The following CHP1 variants were observed in gnomAD, a reference collection of about 807,000 sequenced individuals.
CHP1 encodes the protein calcineurin like EF-hand protein 1, also known as calcineurin B homologous protein 1.
In CHP1, 11 loss-of-function variants were observed where a neutral mutation model predicts 27.4. The observed-to-expected ratio is 0.40, with a 90% confidence interval of 0.25 to 0.67. The LOEUF (loss-of-function observed/expected upper bound fraction) is 0.67. Ranked by LOEUF, CHP1 falls within the 30% of genes least tolerant of loss-of-function variation. CHP1 has a pLI of 0.38. For missense variants in CHP1, 169 were observed against 251.3 expected, an observed-to-expected ratio of 0.67 and a Z score of 2.22; for synonymous variants, 89 against 87.4, an observed-to-expected ratio of 1.02 and a Z score of -0.10.
intron 2 of CHP1, 66 bp downstream of exon 2, chr15:41,243,805 T>G: frequency 7.2e-7 from 1 of 1,389,246 alleles, no homozygotes; most frequent in Non-Finnish European, 1.0e-6. Flanking sequence ...TCTGAATAGC[T>G]GCCTTTATCC....
At chr15:41,251,583 C>G (rs900129017) in intron 2 of CHP1, among the ~76,000 whole-genome samples, 8 of 152,102 alleles carry the variant, frequency 5.3e-5, no homozygotes, top group African/African-American at 1.9e-4. Flanking sequence ...CGCCTCCGGT[C>G]AGATCAGTGG....
At chr15:41,270,959 C>T (rs188915564) in intron 5 of CHP1, among the ~76,000 whole-genome samples, 1 of 152,100 alleles carries the variant, frequency 6.6e-6, no homozygotes, top group African/African-American at 2.4e-5. Flanking sequence ...AGTAAAAATA[C>T]AAAAATTAGC....
chr15:41,231,359 C>T lies in CHP1; in HGVS notation c.-24C>T, dbSNP rs1318510686. On this transcript the variant is annotated 5_prime_UTR_variant, in exon 1 of 7. Coordinates refer to ENST00000334660, the MANE Select transcript of CHP1 (RefSeq NM_007236.5). ...CGCCGTCTCTTCTGGCGCCGCTGCTCCCGGAGGAGCTCCCGGCACGGCGAT... is the reference window on the plus strand; with the variant it reads ...CGCCGTCTCTTCTGGCGCCGCTGCTTCCGGAGGAGCTCCCGGCACGGCGAT... 2 of 1,586,440 alleles carry T rather than the reference C, an allele frequency of 1.3e-6. No homozygotes were observed. Among genetic ancestry groups the T allele is most frequent in the Non-Finnish European group, 1.7e-6 (2 of 1,167,556 alleles).
In CHP1 at chr15:41,243,550, GATAAGAGTTTC is replaced by G. The variant is rs1170779354; in HGVS notation, c.68-116_68-106del. On this transcript the variant is annotated intron_variant, in intron 1 of 6. Coordinates refer to ENST00000334660, the MANE Select transcript of CHP1 (RefSeq NM_007236.5). ...AAACTTTCTGCTTTAACATTCTAGAGATAAGAGTTTCGACATCCCAGTCCTACTGAATTTTG... is the reference window on the plus strand; with the variant it reads ...AAACTTTCTGCTTTAACATTCTAGAGGACATCCCAGTCCTACTGAATTTTG... The G allele has an allele frequency of 1.0e-5, 7 of 679,032 alleles. No individual in the cohort carries two copies. In the African/African-American group the frequency reaches 1.1e-4, roughly 10 times the overall value. The allele number at this position is 679,032 out of a possible 1,614,324, so 42.1% of individuals were successfully genotyped here.
intron 2 of CHP1, among the ~76,000 whole-genome samples, chr15:41,248,336 TAGCAAAAA>T (rs899296038): frequency 1.1e-4 from 16 of 152,190 alleles, no homozygotes; most frequent in Admixed American, 6.5e-4. Context: ...TTTTTACTTT[TAGCAAAAA>T]AGCAAAAAAG....
At chr15:41,257,012 A>G in intron 3 of CHP1, 22 bp downstream of exon 3, 6 of 1,584,874 alleles carry the variant, frequency 3.8e-6, no homozygotes, top group Non-Finnish European at 5.2e-6. Context: ...CAGTTGTTGG[A>G]CTTCCTTCCT....
chr15:41,252,999 C>T (rs1045596486), intron 2 of CHP1, among the ~76,000 whole-genome samples: 3 of 126,906 alleles, frequency 2.4e-5, no homozygotes, highest in African/African-American at 6.0e-5. Context: ...AGTGCAGTGG[C>T]GCAATCTTGG....
Position 41,232,472 on chromosome 15 carries a change from A to G in CHP1, c.67+1023A>G, listed in dbSNP as rs538720132. On this transcript the variant is annotated intron_variant, in intron 1 of 6. Coordinates refer to ENST00000334660, the MANE Select transcript of CHP1 (RefSeq NM_007236.5). ...GTGATCCACCCACCTCGGCCTCCCA[A>G]AGTGCTGGGATTACAGGTGTGAGCC... Among the ~76,000 whole-genome samples the G allele has an allele frequency of 2.6e-5, 4 of 151,870 alleles. 1 individual carries two copies. The highest frequency in any genetic ancestry group is 6.9e-3 in the Middle Eastern group (2 of 288).
At chr15:41,270,164 G>A (rs2047481339) in intron 4 of CHP1, among the ~76,000 whole-genome samples, 1 of 152,102 alleles carries the variant, frequency 6.6e-6, no homozygotes, top group Non-Finnish European at 1.5e-5. Context: ...AGCTCTCATG[G>A]TGCCTGTGTG....
intron 2 of CHP1, 31 bp downstream of exon 2, chr15:41,243,770 A>G: frequency 6.3e-7 from 1 of 1,590,046 alleles, no homozygotes; most frequent in Non-Finnish European, 8.6e-7. Flanking sequence ...TTTTCCTCAC[A>G]GAAACCAGAA....
intron 4 of CHP1, among the ~76,000 whole-genome samples, chr15:41,265,855 A>T (rs1037621635): frequency 6.6e-6 from 1 of 152,202 alleles, no homozygotes; most frequent in African/African-American, 2.4e-5. Flanking sequence ...AGAGAATTTT[A>T]ATCACGATCA....
chr15:41,273,017 A>G (rs2047499045), intron 5 of CHP1, among the ~76,000 whole-genome samples: 1 of 152,034 alleles, frequency 6.6e-6, no homozygotes. Context: ...AGATCACGCT[A>G]CTGCACTCCA....
intron 3 of CHP1, 94 bp downstream of exon 3, chr15:41,257,084 A>C: frequency 3.4e-6 from 3 of 881,876 alleles, no homozygotes; most frequent in Non-Finnish European, 5.4e-6. Context: ...GTGCCATCTC[A>C]GACTGTGATA....
At chr15:41,235,408 C>T (rs1024996411) in intron 1 of CHP1, among the ~76,000 whole-genome samples, 3 of 152,094 alleles carry the variant, frequency 2.0e-5, no homozygotes, top group Non-Finnish European at 2.9e-5. Flanking sequence ...TGCCTGCAGT[C>T]CCAGCTACTC....
intron 1 of CHP1, among the ~76,000 whole-genome samples, chr15:41,238,973 G>C (rs1195384455): frequency 6.6e-6 from 1 of 152,202 alleles, no homozygotes; most frequent in African/African-American, 2.4e-5. Context: ...GACTAGCTTA[G>C]AGCCTTCTGG....
chr15:41,231,955 G>A (rs778514262), intron 1 of CHP1, among the ~76,000 whole-genome samples: 1 of 152,104 alleles, frequency 6.6e-6, no homozygotes, highest in Non-Finnish European at 1.5e-5. Flanking sequence ...GTGTAGTAAG[G>A]CTTTGGGAGA....
At chr15:41,253,776 T>A (rs1046534264) in intron 2 of CHP1, among the ~76,000 whole-genome samples, 12 of 151,698 alleles carry the variant, frequency 7.9e-5, no homozygotes, top group African/African-American at 2.7e-4. Flanking sequence ...TTTATACTCT[T>A]TCTGTTTGTT....
intron 2 of CHP1, among the ~76,000 whole-genome samples, chr15:41,250,706 C>A (rs2047361985): frequency 6.7e-6 from 1 of 149,612 alleles, no homozygotes; most frequent in Non-Finnish European, 1.5e-5. Flanking sequence ...GCTAAAGGGC[C>A]CATTTTTAGT....
chr15:41,271,647 A>G (rs757359343), intron 5 of CHP1, among the ~76,000 whole-genome samples: 81 of 152,086 alleles, frequency 5.3e-4, no homozygotes, highest in Non-Finnish European at 4.7e-4. Context: ...GCTAACTGCC[A>G]CTGTTCTTTG....
Sources: allele counts gnomAD v4.1 joint callset (sites outside exome capture counted in the v4.1 genomes callset), GRCh38; gene constraint gnomAD v4.1.1; transcripts MANE v1.5; gene names NCBI Gene and HGNC (gene_info 2026-07-23, HGNC 2026-07-21).